Variants in PCDH7 observed in about 807,000 individuals in gnomAD.
The protein encoded by PCDH7 is protocadherin-7.
In PCDH7, 17 loss-of-function variants were observed where a neutral mutation model predicts 58.9. The ratio of observed to expected loss-of-function variants is 0.29; its 90% CI spans 0.20 to 0.43. The LOEUF (loss-of-function observed/expected upper bound fraction) is 0.43. PCDH7 is among the 20% of genes least tolerant of loss of function. PCDH7 has a pLI of 1.00. For missense variants in PCDH7, 1,274 were observed against 1,441.0 expected (o/e 0.88, Z 1.88); for synonymous variants, 664 against 616.4 (o/e 1.08, Z -1.14).
intron 1 of PCDH7, among the ~76,000 whole-genome samples, chr4:30,806,825 A>T (rs1378837786): frequency 1.3e-5 from 2 of 151,932 alleles, no homozygotes; most frequent in Non-Finnish European, 2.9e-5. Context: ...CCCAACCTTA[A>T]TTTGCCCATG....
chr4:30,736,990 G>A (rs2109244251), downstream of PCDH7, among the ~76,000 whole-genome samples: 3 of 152,244 alleles, frequency 2.0e-5, no homozygotes, highest in South Asian at 6.2e-4. Context: ...GAAATTGGGA[G>A]TTACAGCTTT....
chr4:30,944,112 G>A (rs748007215), intron 2 of PCDH7, among the ~76,000 whole-genome samples: 1 of 151,940 alleles, frequency 6.6e-6, no homozygotes, highest in Non-Finnish European at 1.5e-5. Flanking sequence ...ACAATATTAG[G>A]ATATCATTTG....
At chr4:31,050,607 T>A (rs2109219806) in intron 3 of PCDH7, among the ~76,000 whole-genome samples, 1 of 152,258 alleles carries the variant, frequency 6.6e-6, no homozygotes, top group South Asian at 2.1e-4. Flanking sequence ...TAATGTGATG[T>A]AAAAAGATTT....
chr4:31,134,623 AACAC>A (rs751926713), intron 3 of PCDH7, among the ~76,000 whole-genome samples: 61 of 152,204 alleles, frequency 4.0e-4, no homozygotes, highest in Non-Finnish European at 7.5e-4. Context: ...AAAACAAACA[AACAC>A]ACAAACATAA....
intron 3 of PCDH7, among the ~76,000 whole-genome samples, chr4:31,026,874 G>T (rs1353639099): frequency 6.6e-6 from 1 of 152,172 alleles, no homozygotes; most frequent in East Asian, 1.9e-4. Flanking sequence ...ATGTCACAAA[G>T]CTGATTGCCT....
chr4:31,045,606 G>A (rs911953111), intron 3 of PCDH7, among the ~76,000 whole-genome samples: 4 of 151,938 alleles, frequency 2.6e-5, no homozygotes, highest in Admixed American at 6.6e-5. Context: ...GTTTGGGATG[G>A]CTACTTGTTA....
chr4:30,758,940 G>GCTTTT (rs1553880707), intron 1 of PCDH7, among the ~76,000 whole-genome samples: 4 of 124,234 alleles, frequency 3.2e-5, no homozygotes. Flanking sequence ...TTGAAGAAGT[G>GCTTTT]TTTTTTTTTT....
At chr4:30,968,384 A>AC (rs1560541600) in intron 3 of PCDH7, among the ~76,000 whole-genome samples, 122 of 51,422 alleles carry the variant, frequency 2.4e-3, no homozygotes, top group Non-Finnish European at 3.6e-3. Context: ...CACTATATAT[A>AC]TATATATATA....
intron 1 of PCDH7, among the ~76,000 whole-genome samples, chr4:30,907,594 G>A (rs916146202): frequency 2.6e-5 from 4 of 152,076 alleles, no homozygotes; most frequent in Admixed American, 1.3e-4. Context: ...AAAAAGTCAG[G>A]AAACAACAGA....
exon 4 of PCDH7, chr4:31,142,872 G>A (rs749397202): frequency 7.5e-7 from 1 of 1,339,700 alleles, no homozygotes; most frequent in Non-Finnish European, 9.9e-7. Flanking sequence ...CAACAGCAAA[G>A]TTCTTTACAT....
intron 3 of PCDH7, among the ~76,000 whole-genome samples, chr4:31,060,435 C>T (rs973036180): frequency 4.0e-5 from 6 of 151,808 alleles, no homozygotes; most frequent in East Asian, 1.9e-4. Flanking sequence ...TCCTCATTGC[C>T]GTATTGTTTG....
At chr4:30,920,486 T>A in intron 2 of PCDH7, 117 bp downstream of exon 2, 1 of 544,048 alleles carries the variant, frequency 1.8e-6, no homozygotes, top group Non-Finnish European at 2.9e-6. Context: ...CATTTTATTT[T>A]AAGTGATAAA....
intron 1 of PCDH7, among the ~76,000 whole-genome samples, chr4:30,812,479 T>G (rs1251222044): frequency 6.6e-6 from 1 of 152,210 alleles, no homozygotes; most frequent in Non-Finnish European, 1.5e-5. Flanking sequence ...TGAAAGTGTT[T>G]AGTCATAAAC....
At chr4:31,024,894 C>T (rs1754304896) in intron 3 of PCDH7, among the ~76,000 whole-genome samples, 1 of 152,190 alleles carries the variant, frequency 6.6e-6, no homozygotes, top group Admixed American at 6.5e-5. Flanking sequence ...AGGCACGCAC[C>T]ACCATGCCCA....
intron 1 of PCDH7, among the ~76,000 whole-genome samples, chr4:30,907,759 C>T (rs1312538347): frequency 6.6e-6 from 1 of 152,076 alleles, no homozygotes; most frequent in African/African-American, 2.4e-5. Context: ...GGCATATACC[C>T]AAAGCATTAT....
At chr4:30,908,955 A>C (rs1158286103) in intron 1 of PCDH7, among the ~76,000 whole-genome samples, 2 of 152,164 alleles carry the variant, frequency 1.3e-5, no homozygotes, top group Non-Finnish European at 2.9e-5. Flanking sequence ...AAGCAAATGC[A>C]GTAGCATATC....
intron 3 of PCDH7, among the ~76,000 whole-genome samples, chr4:30,967,171 G>A (rs1749071743): frequency 6.6e-6 from 1 of 151,780 alleles, no homozygotes; most frequent in South Asian, 2.1e-4. Flanking sequence ...GAAGAATGAT[G>A]AATTGCAAGA....
intron 1 of PCDH7, among the ~76,000 whole-genome samples, chr4:30,863,048 G>A (rs1290901184): frequency 2.0e-5 from 3 of 152,066 alleles, no homozygotes; most frequent in African/African-American, 4.8e-5. Context: ...GACAGCTTTG[G>A]CATTACCAAT....
chr4:31,033,666 C>T (rs764126649), intron 3 of PCDH7, among the ~76,000 whole-genome samples: 8 of 152,168 alleles, frequency 5.3e-5, no homozygotes, highest in Non-Finnish European at 7.4e-5. Context: ...AGGCATTACC[C>T]GACATCCCCC....
Sources: gnomAD v4.1 joint callset for allele counts (sites outside exome capture counted in the v4.1 genomes callset) on GRCh38, gnomAD v4.1.1 for gene constraint, MANE v1.5 for transcripts, NCBI Gene and HGNC (gene_info 2026-07-23, HGNC 2026-07-21) for gene names.